The following CEP57L1 variants were observed in gnomAD, a reference collection of about 807,000 sequenced individuals.
CEP57L1 encodes centrosomal protein CEP57L1.
Under a neutral mutation model 61.0 loss-of-function variants are expected in CEP57L1, and 37 were observed. The ratio of observed to expected loss-of-function variants is 0.61; its 90% confidence interval spans 0.47 to 0.80. CEP57L1 has a LOEUF of 0.80. Among genes scored for constraint, CEP57L1 ranks in the 30% least tolerant of loss-of-function variants. The pLI is 0.00. For synonymous variants in CEP57L1, 137 were observed against 162.3 expected (o/e 0.84, Z 1.19); for missense variants, 422 against 524.7 (o/e 0.80, Z 1.91).
chr6:109,171,679 T>C lies in CEP57L1; in HGVS notation c.*8709T>C, dbSNP rs1273189319. ...TATGCAAAGAAGTCTTGCAAGGGAG[T>C]ACAAGCTTTAGGAGGACAGGCTTAT... On this transcript the variant is annotated 3_prime_UTR_variant, in exon 11 of 11. Transcript: ENST00000517392. 6.6e-6 allele frequency among the ~76,000 whole-genome samples: 1 copy of C among 151,812 alleles called. No homozygotes were observed. The highest frequency in any genetic ancestry group is 1.9e-4 in the East Asian group (1 of 5,184).
intron 1 of CEP57L1, among the ~76,000 whole-genome samples, chr6:109,113,236 G>A (rs1416283723): frequency 1.3e-5 from 2 of 151,842 alleles, no homozygotes; most frequent in Non-Finnish European, 2.9e-5. Flanking sequence ...ATTTCTTTAA[G>A]CCAATTTATC....
intron 7 of CEP57L1, chr6:109,157,825 G>C (rs1186711194): frequency 6.6e-6 from 1 of 152,204 alleles, no homozygotes; most frequent in East Asian, 1.9e-4. Flanking sequence ...ACTGACAGCA[G>C]TAGGAGAGTT....
intron 3 of CEP57L1, among the ~76,000 whole-genome samples, chr6:109,149,176 A>C (rs962224619): frequency 6.6e-6 from 1 of 152,142 alleles, no homozygotes; most frequent in Non-Finnish European, 1.5e-5. Flanking sequence ...TTGGTGTTGT[A>C]GACATGAAGT....
In CEP57L1 at chr6:109,146,761, T is replaced by G. The variant is rs781463905; in HGVS notation, c.164T>G (p.Leu55Arg). 9 of 1,556,930 alleles carry G rather than the reference T, an allele frequency of 5.8e-6. No individual in the cohort carries two copies. The highest frequency in any genetic ancestry group is 7.8e-6 in the Non-Finnish European group (9 of 1,158,324). The change falls in exon 3 of 11, where the codon CTT becomes CGT. Residue 55 changes from leucine to arginine, a missense_variant. Leu to Arg is a moderately radical substitution (Grantham distance 102, BLOSUM62 -2). Transcript: ENST00000517392. ...KILHSPNSQA[L>R]ILALKTLQEK... ...CAACAAAATTTTTTTTCAACAGCTC[T>G]TATTTTAGCCTTAAAAACTCTTCAG...
chr6:109,127,139 C>T (rs1007338490), intron 1 of CEP57L1, among the ~76,000 whole-genome samples: 1 of 152,088 alleles, frequency 6.6e-6, no homozygotes, highest in African/African-American at 2.4e-5. Flanking sequence ...GCACTCCAGC[C>T]TGGCGACAGA....
rs1046413039 is a variant in CEP57L1, at chr6:109,172,669, A to T, written c.*9699A>T. 6.6e-6 allele frequency among the ~76,000 whole-genome samples: 1 copy of T among 152,148 alleles called. No individual in the cohort carries two copies. Among genetic ancestry groups the T allele is most frequent in the Non-Finnish European group, 1.5e-5 (1 of 68,030 alleles). On this transcript the variant is annotated 3_prime_UTR_variant, in exon 11 of 11. Transcript: ENST00000517392. ...GGTTAAGGTGTCAGTCTTGCCTCCA[A>T]ATTTCCTCCTAAAGCATGGAATTGG...
rs1771632604 is a variant in CEP57L1, at chr6:109,111,604, TTTCAAAGGGAA to T, written c.-4+16031_-4+16041del. On this transcript the variant is annotated intron_variant, in intron 1 of 10. Coordinates refer to ENST00000517392, the MANE Select transcript of CEP57L1 (RefSeq NM_001271852.3). ...GAGGGCATCCTTGTCTTCTGCCGGT[TTTCAAAGGGAA>T]TGCTTCCAGTTTTTGCCCATTCAGT... is the stretch of plus-strand genomic sequence containing the variant. Among the ~76,000 whole-genome samples the T allele has an allele frequency of 2.0e-5, 3 of 152,208 alleles. No homozygotes were observed. In the South Asian group the frequency reaches 6.2e-4, roughly 31 times the overall value.
chr6:109,145,178 T>C, intron 1 of CEP57L1, 41 bp from the exon 2 acceptor site: 1 of 1,236,920 alleles, frequency 8.1e-7, no homozygotes, highest in Non-Finnish European at 1.1e-6. Context: ...ACCCTTAAAA[T>C]AGGAAAGCAT....
At chr6:109,103,536 C>G (rs1354264046) in intron 1 of CEP57L1, among the ~76,000 whole-genome samples, 1 of 152,124 alleles carries the variant, frequency 6.6e-6, no homozygotes, top group Non-Finnish European at 1.5e-5. Context: ...TACCATGCCC[C>G]TTTTTTCTAT....
chr6:109,125,720 A>G (rs1773484227), intron 1 of CEP57L1, among the ~76,000 whole-genome samples: 2 of 151,494 alleles, frequency 1.3e-5, no homozygotes, highest in Admixed American at 6.6e-5. Context: ...TGATTGATTG[A>G]TTGATTGATT....
At chr6:109,114,941 A>G (rs1175358088) in intron 1 of CEP57L1, among the ~76,000 whole-genome samples, 1 of 152,194 alleles carries the variant, frequency 6.6e-6, no homozygotes, top group East Asian at 1.9e-4. Flanking sequence ...ACATGTATTG[A>G]AATATCACCT....
intron 1 of CEP57L1, among the ~76,000 whole-genome samples, chr6:109,126,510 CTATAAT>C (rs1773572855): frequency 6.6e-6 from 1 of 152,062 alleles, no homozygotes; most frequent in Non-Finnish European, 1.5e-5. Flanking sequence ...AAAAAATAGA[CTATAAT>C]TATACAGTTT....
intron 1 of CEP57L1, among the ~76,000 whole-genome samples, chr6:109,101,143 C>T (rs1782347214): frequency 1.3e-5 from 2 of 152,040 alleles, no homozygotes; most frequent in Non-Finnish European, 2.9e-5. Flanking sequence ...GCCTTTTTTG[C>T]TGCAACATAT....
rs1774256601 is a variant in CEP57L1, at chr6:109,168,749, C to T, written c.*5779C>T. On this transcript the variant is annotated 3_prime_UTR_variant, in exon 11 of 11. Coordinates refer to ENST00000517392, the MANE Select transcript of CEP57L1 (RefSeq NM_001271852.3). ...TAGCTGGGATTATAGGTGTGCACCA[C>T]CATGCCCTGCTAATTTTTTGTATTT... Among the ~76,000 whole-genome samples, 1 of 151,660 alleles carries T rather than the reference C, an allele frequency of 6.6e-6. No homozygotes were observed. Among genetic ancestry groups the T allele is most frequent in the Non-Finnish European group, 1.5e-5 (1 of 67,930 alleles).
intron 1 of CEP57L1, among the ~76,000 whole-genome samples, chr6:109,132,401 C>T (rs1057044777): frequency 1.3e-5 from 2 of 152,140 alleles, no homozygotes. Flanking sequence ...TTGCATTTTT[C>T]ACCCAACAGT....
intron 1 of CEP57L1, among the ~76,000 whole-genome samples, chr6:109,104,686 G>A (rs1048003154): frequency 7.9e-5 from 12 of 152,066 alleles, no homozygotes; most frequent in Admixed American, 2.6e-4. Context: ...GGGCTCAAAC[G>A]ATCCTCCCAC....
At chr6:109,143,118 A>G (rs891250185) in intron 1 of CEP57L1, among the ~76,000 whole-genome samples, 1 of 152,026 alleles carries the variant, frequency 6.6e-6, no homozygotes, top group African/African-American at 2.4e-5. Context: ...TAATGCCTTG[A>G]TATTTTATAG....
At chr6:109,100,692 A>AT (rs58571680) in intron 1 of CEP57L1, among the ~76,000 whole-genome samples, 4 of 147,870 alleles carry the variant, frequency 2.7e-5, no homozygotes, top group Admixed American at 6.7e-5. Context: ...AAAAAAAAAA[A>AT]GAAGAAAGAA....
intron 7 of CEP57L1, chr6:109,158,659 A>G (rs2114950903): frequency 2.1e-6 from 1 of 467,852 alleles, no homozygotes; most frequent in Non-Finnish European, 4.3e-6. Context: ...TAGTTTTATA[A>G]GAAACTGCCA....
Sources: allele counts gnomAD v4.1 joint callset (sites outside exome capture counted in the v4.1 genomes callset), GRCh38; gene constraint gnomAD v4.1.1; transcripts MANE v1.5; gene names NCBI Gene and HGNC (gene_info 2026-07-23, HGNC 2026-07-21).